ENTPD7: variants seen among roughly 807,000 people sequenced by gnomAD.
The protein encoded by ENTPD7 is ectonucleoside triphosphate diphosphohydrolase 7, also known as NTPDase 7.
A neutral mutation model predicts 77.9 loss-of-function variants in ENTPD7; 53 were observed. The ratio of observed to expected loss-of-function variants is 0.68; its 90% confidence interval spans 0.55 to 0.85. The LOEUF is 0.85. Ranked by LOEUF, ENTPD7 falls within the 40% of genes least tolerant of loss-of-function variation. The pLI is 0.00. For missense variants in ENTPD7, 636 were observed against 743.7 expected, an observed-to-expected ratio of 0.86 and a Z score of 1.68; for synonymous variants, 248 against 274.9, an observed-to-expected ratio of 0.90 and a Z score of 0.97.
In ENTPD7 at chr10:99,709,408, G is replaced by A. The variant is rs887129592; in HGVS notation, c.*4725G>A. ...TCTCCCATATTAGTCTCTTAGGGAC[G>A]CTAGCTCCAGATTCCAGCCCCTGGG... On this transcript the variant is annotated 3_prime_UTR_variant, in exon 13 of 13. Transcript: ENST00000370489. 5.1e-6 allele frequency: 5 copies of A among 985,238 alleles called. No individual in the cohort carries two copies. The highest frequency in any genetic ancestry group is 1.1e-4 in the East Asian group (1 of 8,830). The allele number at this position is 985,238 out of a possible 1,614,324, so 61.0% of individuals were successfully genotyped here.
chr10:99,709,032 ACTACATCTATTCT>A lies in ENTPD7; in HGVS notation c.*4350_*4362del. On this transcript the variant is annotated 3_prime_UTR_variant, in exon 13 of 13. Transcript: ENST00000370489. ...TTGTCAGAAATAGTGCCAAGTTTTCACTACATCTATTCTTGTTCCTGTATTTCTTTTCGTACTT... is the reference window on the plus strand; with the variant it reads ...TTGTCAGAAATAGTGCCAAGTTTTCATGTTCCTGTATTTCTTTTCGTACTT... 1.1e-5 allele frequency: 11 copies of A among 984,054 alleles called. No homozygotes were observed. The highest frequency in any genetic ancestry group is 1.3e-5 in the Non-Finnish European group (11 of 828,658). The allele number at this position is 984,054 out of a possible 1,614,324, so 61.0% of individuals were successfully genotyped here. A position where few individuals can be genotyped will look rare whatever the true frequency, so the allele number is the denominator to read the frequency against.
chr10:99,704,618 G>C lies in ENTPD7; in HGVS notation c.1750G>C (p.Ala584Pro). 1 of 1,614,142 alleles carries C rather than the reference G, an allele frequency of 6.2e-7. No individual in the cohort carries two copies. Among genetic ancestry groups the C allele is most frequent in the Non-Finnish European group, 8.5e-7 (1 of 1,180,038 alleles). The change falls in exon 13 of 13, where the codon GCT (alanine) becomes CCT (proline). Residue 584 changes from alanine (A) to proline (P), a missense_variant. Physicochemically the swap from Ala to Pro is conservative, Grantham distance 27. Coordinates refer to ENST00000370489, the MANE Select transcript of ENTPD7 (RefSeq NM_020354.5). ...TCACCACCGACAAACACGAGCCTCAGCTCCATTGGACTTGCTGTGGCTTGA... is the reference window on the plus strand; with the variant it reads ...TCACCACCGACAAACACGAGCCTCACCTCCATTGGACTTGCTGTGGCTTGA... ...RIHHRQTRAS[A>P]PLDLLWLEEV...
intron 3 of ENTPD7, among the ~76,000 whole-genome samples, chr10:99,664,550 A>G (rs1464563163): frequency 6.6e-6 from 1 of 151,604 alleles, no homozygotes; most frequent in African/African-American, 2.4e-5. Context: ...CCCGGGTTCA[A>G]GTGATTCTCC....
Position 99,659,921 on chromosome 10 carries a change from G to C in ENTPD7, c.-36G>C. The C allele has an allele frequency of 6.2e-7, 1 of 1,613,942 alleles. No individual in the cohort carries two copies. The highest frequency in any genetic ancestry group is 1.1e-5 in the South Asian group (1 of 91,058). On this transcript the variant is annotated 5_prime_UTR_variant, in exon 2 of 13. Transcript: ENST00000370489. This position sits in a 1 kb window ranked among gnomAD's most constrained non-coding sequence, Gnocchi z 4.1. The stretch of plus-strand genomic sequence containing the variant: ...CCACCTTCTCAGGGCAAAAGAAAAA[G>C]AAGGTGACAGGCGTTGAGACCACCG...
rs202127625 is a variant in ENTPD7, at chr10:99,661,473, C to T, written c.36C>T (p.Ala12=). The change falls in exon 3 of 13, where the codon GCC becomes GCT. Residue 12 remains alanine (A), a synonymous_variant. Transcript: ENST00000370489. ...ARISFSYLCP[A]SWYFTVPTVS... is the part of the protein sequence containing the mutation. ...TCAGTTTTTCCTACCTCTGCCCAGC[C>T]TCCTGGTACTTCACTGTGCCCACAG... The T allele has an allele frequency of 1.1e-5, 17 of 1,607,966 alleles. No homozygotes were observed. In the Admixed American group the frequency reaches 2.1e-4, roughly 19 times the overall value.
At chr10:99,660,832 G>T (rs575785022) in intron 2 of ENTPD7, among the ~76,000 whole-genome samples, 3 of 151,804 alleles carry the variant, frequency 2.0e-5, no homozygotes, top group Non-Finnish European at 4.4e-5. Flanking sequence ...TGAGGGAGAA[G>T]AATCGCTTGA....
chr10:99,688,412 C>CT (rs1036314244), intron 6 of ENTPD7, among the ~76,000 whole-genome samples: 3 of 151,836 alleles, frequency 2.0e-5, no homozygotes, highest in Non-Finnish European at 1.5e-5. Context: ...TACATTTTTT[C>CT]TTTTTTTTCG....
At chr10:99,694,108 C>T (rs2035929474) in intron 8 of ENTPD7, among the ~76,000 whole-genome samples, 1 of 152,106 alleles carries the variant, frequency 6.6e-6, no homozygotes. Flanking sequence ...GCAGCCACCA[C>T]TATTGAATTC....
In ENTPD7 at chr10:99,706,221, A is replaced by G. The variant is rs1166669381; in HGVS notation, c.*1538A>G. On this transcript the variant is annotated 3_prime_UTR_variant, in exon 13 of 13. Coordinates refer to ENST00000370489, the MANE Select transcript of ENTPD7 (RefSeq NM_020354.5). ...AAAAGAAATTAAGATCATCCTAGAA[A>G]TAAACTAAGATAAAAATAAGTATAC... is the stretch of plus-strand genomic sequence containing the variant. 1 of 152,240 alleles carries G rather than the reference A, an allele frequency of 6.6e-6. No individual in the cohort carries two copies. Among genetic ancestry groups the G allele is most frequent in the African/African-American group, 2.4e-5 (1 of 41,458 alleles). The allele number at this position is 152,240 out of a possible 1,614,324, so 9.4% of individuals were successfully genotyped here.
chr10:99,677,078 A>G (rs1300468883), intron 3 of ENTPD7, among the ~76,000 whole-genome samples: 2 of 152,216 alleles, frequency 1.3e-5, no homozygotes, highest in African/African-American at 4.8e-5. Context: ...TGAAATCACC[A>G]ATAAACACTG....
At chr10:99,683,121 T>G (rs1052123022) in intron 5 of ENTPD7, among the ~76,000 whole-genome samples, 1 of 152,198 alleles carries the variant, frequency 6.6e-6, no homozygotes, top group African/African-American at 2.4e-5. Context: ...TTGCCTTTTT[T>G]TTTTCTCTTT....
intron 3 of ENTPD7, among the ~76,000 whole-genome samples, chr10:99,671,580 G>A (rs2035619513): frequency 6.6e-6 from 1 of 152,168 alleles, no homozygotes; most frequent in Non-Finnish European, 1.5e-5. Context: ...GCTGTTGACT[G>A]AAACGTCATT....
chr10:99,682,255 C>G (rs970145562), intron 5 of ENTPD7, among the ~76,000 whole-genome samples: 4 of 148,292 alleles, frequency 2.7e-5, no homozygotes, highest in Non-Finnish European at 4.5e-5. Flanking sequence ...TTCCTTAAAT[C>G]AACAGCAAAC....
chr10:99,704,747 T>C lies in ENTPD7; in HGVS notation c.*64T>C. Reference sequence around the variant, plus strand: ...TTGCTGCTCATTGAATTCCTCCACTTTCTTATATAGCCTCAGATGCTGTGA... The same window carrying C: ...TTGCTGCTCATTGAATTCCTCCACTCTCTTATATAGCCTCAGATGCTGTGA... On this transcript the variant is annotated 3_prime_UTR_variant, in exon 13 of 13. Coordinates refer to ENST00000370489, the MANE Select transcript of ENTPD7 (RefSeq NM_020354.5). The C allele has an allele frequency of 4.9e-6, 7 of 1,418,596 alleles. No homozygotes were observed. The highest frequency in any genetic ancestry group is 6.8e-6 in the Non-Finnish European group (7 of 1,026,730). The allele number at this position is 1,418,596 out of a possible 1,614,324, so 87.9% of individuals were successfully genotyped here.
chr10:99,696,014 C>T lies in ENTPD7; in HGVS notation c.902C>T (p.Thr301Ile), dbSNP rs764094290. Residue 301 changes from threonine to isoleucine, a missense_variant, in exon 9 of 13, where the codon ACT (threonine) becomes ATT (isoleucine). By Grantham distance (89) the Thr-to-Ile change is moderately conservative. This residue lies in a region of ENTPD7 where 486 missense variants were observed against 556.5 expected (regional missense o/e 0.87). Coordinates refer to ENST00000370489, the MANE Select transcript of ENTPD7 (RefSeq NM_020354.5). ...AACCTGGGCTGTGATGTGCAACACA[C>T]TGAACACGTGTACAGGGTTTATGTC... is the stretch of plus-strand genomic sequence containing the variant. Reference protein sequence around the residue: ...EFNLGCDVQHTEHVYRVYVTT... With the variant: ...EFNLGCDVQHIEHVYRVYVTT... The T allele has an allele frequency of 1.2e-6, 2 of 1,614,182 alleles. No individual in the cohort carries two copies. Among genetic ancestry groups the T allele is most frequent in the Non-Finnish European group, 8.5e-7 (1 of 1,180,018 alleles).
In ENTPD7 at chr10:99,709,301, C is replaced by G; in HGVS notation, c.*4618C>G. 2.0e-6 allele frequency: 2 copies of G among 985,314 alleles called. No homozygotes were observed. Among genetic ancestry groups the G allele is most frequent in the Non-Finnish European group, 2.4e-6 (2 of 829,902 alleles). The allele number at this position is 985,314 out of a possible 1,614,324, so 61.0% of individuals were successfully genotyped here. A position where few individuals can be genotyped will look rare whatever the true frequency, so the allele number is the denominator to read the frequency against. On this transcript the variant is annotated 3_prime_UTR_variant, in exon 13 of 13. Transcript: ENST00000370489. ...TTTCAAATTAATTCAAAACTAGTAT[C>G]TAATTGTCCTTTTTGCTGTGGTATG... is the stretch of plus-strand genomic sequence containing the variant.
chr10:99,694,160 C>G (rs1208759340), intron 8 of ENTPD7, among the ~76,000 whole-genome samples: 1 of 152,180 alleles, frequency 6.6e-6, no homozygotes, highest in Non-Finnish European at 1.5e-5. Context: ...CATATTCACT[C>G]CCCACTCATT....
At chr10:99,686,041 T>C in intron 6 of ENTPD7, 146 bp downstream of exon 6, 1 of 561,528 alleles carries the variant, frequency 1.8e-6, no homozygotes, top group South Asian at 2.7e-5. Flanking sequence ...GTTGATTTGA[T>C]TATTTGCATA....
At chr10:99,663,584 C>T (rs955430882) in intron 3 of ENTPD7, among the ~76,000 whole-genome samples, 6 of 151,920 alleles carry the variant, frequency 3.9e-5, no homozygotes, top group African/African-American at 2.4e-5. Flanking sequence ...CTCAGCCTCC[C>T]GAGTAACTGG....
Sources: allele counts gnomAD v4.1 joint callset (sites outside exome capture counted in the v4.1 genomes callset), GRCh38; gene constraint gnomAD v4.1.1; regional missense constraint gnomAD v4.1.1; non-coding constraint Gnocchi (gnomAD v3.1); transcripts MANE v1.5; gene names NCBI Gene and HGNC (gene_info 2026-07-23, HGNC 2026-07-21).